The following USP3 variants were observed in gnomAD, a reference collection of about 807,000 sequenced individuals.
The protein encoded by USP3 is ubiquitin specific peptidase 3, also known as ubiquitin carboxyl-terminal hydrolase 3.
Under a neutral mutation model 72.3 loss-of-function variants are expected in USP3, and 20 were observed. The observed-to-expected ratio is 0.28, with a 90% CI of 0.19 to 0.40. The LOEUF (loss-of-function observed/expected upper bound fraction) is 0.40. Among genes scored for constraint, USP3 ranks in the 10% least tolerant of loss-of-function variants. USP3 has a pLI of 1.00. For missense variants in USP3, 479 were observed against 633.9 expected (o/e 0.76, Z 2.62); for synonymous variants, 222 against 225.3 (o/e 0.99, Z 0.13).
intron 7 of USP3, among the ~76,000 whole-genome samples, chr15:63,562,478 C>T (rs1398496761): frequency 2.0e-5 from 3 of 152,132 alleles, no homozygotes; most frequent in African/African-American, 7.2e-5. Flanking sequence ...AGGTTAGTGA[C>T]ACAGGCTGGA....
At chr15:63,586,110 A>G (rs551070339) in intron 11 of USP3, among the ~76,000 whole-genome samples, 2 of 152,352 alleles carry the variant, frequency 1.3e-5, no homozygotes, top group African/African-American at 4.8e-5. Context: ...AGGGTTTTAC[A>G]TGAGATCATG....
chr15:63,534,717 C>T (rs550589513), intron 2 of USP3, among the ~76,000 whole-genome samples: 1 of 152,114 alleles, frequency 6.6e-6, no homozygotes, highest in South Asian at 2.1e-4. Flanking sequence ...GAAACTACAG[C>T]ATTGTAGTTA....
chr15:63,527,128 C>CAAGT (rs2065994737), intron 1 of USP3, among the ~76,000 whole-genome samples: 1 of 152,164 alleles, frequency 6.6e-6, no homozygotes, highest in East Asian at 1.9e-4. Context: ...AACTCCTGGG[C>CAAGT]TCAAGCAATC....
At chr15:63,534,098 T>C (rs781414409) in intron 2 of USP3, among the ~76,000 whole-genome samples, 19 of 152,132 alleles carry the variant, frequency 1.2e-4, no homozygotes, top group Non-Finnish European at 2.4e-4. Context: ...ATGGAAAAAT[T>C]TCTAGCCTCT....
chr15:63,512,051 G>T (rs1279189260), intron 1 of USP3, among the ~76,000 whole-genome samples: 7 of 149,956 alleles, frequency 4.7e-5, no homozygotes, highest in African/African-American at 1.7e-4. Flanking sequence ...CCGCCTCTCG[G>T]GCTCAAGTAA....
intron 1 of USP3, among the ~76,000 whole-genome samples, chr15:63,530,174 C>A (rs149263962): frequency 2.0e-5 from 3 of 152,120 alleles, no homozygotes; most frequent in Admixed American, 6.6e-5. Context: ...CCTAAACTTA[C>A]TATTGTAACG....
At chr15:63,575,361 G>C (rs530706579) in intron 11 of USP3, among the ~76,000 whole-genome samples, 6 of 152,226 alleles carry the variant, frequency 3.9e-5, no homozygotes, top group African/African-American at 1.2e-4. Flanking sequence ...GATTATCCTA[G>C]TAGAAATAAA....
chr15:63,564,099 A>T (rs879278756), intron 8 of USP3, among the ~76,000 whole-genome samples: 1 of 152,218 alleles, frequency 6.6e-6, no homozygotes, highest in African/African-American at 2.4e-5. Context: ...TAATAAAAAA[A>T]TTTCTAACAT....
chr15:63,522,223 A>G (rs1209273235), intron 1 of USP3, among the ~76,000 whole-genome samples: 1 of 152,208 alleles, frequency 6.6e-6, no homozygotes, highest in Non-Finnish European at 1.5e-5. Flanking sequence ...GCTAGTGAAC[A>G]TTGGAGTAGA....
chr15:63,582,081 A>G (rs2066973654), intron 11 of USP3, among the ~76,000 whole-genome samples: 1 of 152,234 alleles, frequency 6.6e-6, no homozygotes, highest in Admixed American at 6.5e-5. Context: ...ATCCCTTATA[A>G]GCTTATCATT....
rs2066296529 is a variant in USP3 at position 63,544,798 on chromosome 15, A to G, written c.284+7642A>G. ...CTAGAGCAGGTAACACTGAAGTGAA[A>G]GGGAAGATTGGGAGGGAAGGGGTAG... On this transcript the variant is annotated intron_variant, in intron 3 of 14. Transcript: ENST00000380324. The surrounding 1 kb of genome is among the most constrained non-coding windows in gnomAD (Gnocchi z 4.2). 1 of 696,212 alleles carries G rather than the reference A, an allele frequency of 1.4e-6. No homozygotes were observed. The highest frequency in any genetic ancestry group is 1.5e-5 in the South Asian group (1 of 66,648). 43.1% of individuals were successfully genotyped at this position (696,212 alleles called of 1,614,324 possible).
Position 63,574,353 on chromosome 15 carries a change from G to C in USP3, c.1046G>C (p.Arg349Thr). 1 of 1,606,334 alleles carries C rather than the reference G, an allele frequency of 6.2e-7. No individual in the cohort carries two copies. Among genetic ancestry groups the C allele is most frequent in the Non-Finnish European group, 8.5e-7 (1 of 1,176,960 alleles). The change falls in exon 11 of 15, where the codon AGA (arginine) becomes ACA (threonine). Residue 349 changes from arginine (R) to threonine (T), a missense_variant. Arg to Thr is a moderately conservative substitution (Grantham distance 71). Transcript: ENST00000380324. The surrounding 1 kb of genome is among the most constrained non-coding windows in gnomAD (Gnocchi z 4.6). ...DLSLDIPSQF[R>T]SKRSKNQENG... is the part of the protein sequence containing the mutation. The stretch of plus-strand genomic sequence containing the variant: ...TCATTAGATATTCCAAGTCAGTTCA[G>C]AAGTAAGCGCTCTAAGAATCAAGAA...
intron 3 of USP3, among the ~76,000 whole-genome samples, chr15:63,542,895 T>A (rs1283344629): frequency 6.6e-6 from 1 of 152,124 alleles, no homozygotes; most frequent in Non-Finnish European, 1.5e-5. Context: ...TTGGCATAAA[T>A]ATTGGAAACA....
chr15:63,519,421 G>A (rs1264479828), intron 1 of USP3, among the ~76,000 whole-genome samples: 2 of 151,278 alleles, frequency 1.3e-5, no homozygotes, highest in Admixed American at 6.6e-5. Context: ...TTCAGTTTGA[G>A]TTTTCAGAGG....
At chr15:63,511,664 A>G (rs79076440) in intron 1 of USP3, among the ~76,000 whole-genome samples, 19,980 of 152,250 alleles carry the variant, frequency 0.13, 1,792 homozygotes, top group South Asian at 0.2. Context: ...GGTTATTTTT[A>G]AAATGGGTTT....
intron 11 of USP3, among the ~76,000 whole-genome samples, chr15:63,583,671 A>G (rs2067003193): frequency 6.6e-6 from 1 of 152,116 alleles, no homozygotes; most frequent in Non-Finnish European, 1.5e-5. Flanking sequence ...AGTAACTCTT[A>G]TTGTATCCTC....
At chr15:63,504,946 C>A in intron 1 of USP3, 116 bp downstream of exon 1, 1 of 744,010 alleles carries the variant, frequency 1.3e-6, no homozygotes, top group Non-Finnish European at 1.7e-6. Context: ...CGAGGGCGAG[C>A]CGGGCCCGGC....
chr15:63,566,304 T>C lies in USP3; in HGVS notation c.761+3296T>C, dbSNP rs543752033. Among the ~76,000 whole-genome samples, 3 of 143,358 alleles carry C rather than the reference T, an allele frequency of 2.1e-5. No individual in the cohort carries two copies. In the South Asian group the frequency reaches 6.6e-4, roughly 32 times the overall value. The allele number at this position is 143,358 out of a possible 152,430, so 94.0% of individuals were successfully genotyped here. ...AAAAATAGATCTTTGCCTGTGATGC[T>C]TTTTTTTTTTTTAATTTTATTTTTT... On this transcript the variant is annotated intron_variant, in intron 8 of 14. Transcript: ENST00000380324.
chr15:63,531,163 T>G (rs1346381882), intron 1 of USP3, among the ~76,000 whole-genome samples: 1 of 152,238 alleles, frequency 6.6e-6, no homozygotes, highest in Non-Finnish European at 1.5e-5. Flanking sequence ...GTAATCACTG[T>G]GCTCTCCTAT....
Sources: gnomAD v4.1 joint callset for allele counts (sites outside exome capture counted in the v4.1 genomes callset) on GRCh38, gnomAD v4.1.1 for gene constraint, Gnocchi (gnomAD v3.1) non-coding constraint, MANE v1.5 for transcripts, NCBI Gene and HGNC (gene_info 2026-07-23, HGNC 2026-07-21) for gene names.